The following TBXAS1 variants were observed in gnomAD, a reference collection of about 807,000 sequenced individuals.
TBXAS1 encodes thromboxane A synthase 1, also known as thromboxane-A synthase.
Under a neutral mutation model 60.7 loss-of-function variants are expected in TBXAS1, and 48 were observed. That is an observed-to-expected ratio of 0.79 (90% CI 0.63 to 1.01). The LOEUF (loss-of-function observed/expected upper bound fraction) is 1.01, where lower values mean the gene tolerates loss of function less well. Among genes scored for constraint, TBXAS1 ranks in the 50% least tolerant of loss-of-function variants. The pLI, the probability that TBXAS1 is intolerant of heterozygous loss-of-function variation, is 0.00. For synonymous variants in TBXAS1, 287 were observed against 269.7 expected, an observed-to-expected ratio of 1.06 and a Z score of -0.63; for missense variants, 685 against 686.3, an observed-to-expected ratio of 1.00 and a Z score of 0.02.
chr7:140,015,207 G>A (rs1459763091), intron 10 of TBXAS1, among the ~76,000 whole-genome samples: 4 of 152,150 alleles, frequency 2.6e-5, no homozygotes. Context: ...TCTTGGCATG[G>A]GGACCATCCA....
chr7:139,898,822 G>A (rs139182755), intron 3 of TBXAS1, among the ~76,000 whole-genome samples: 18 of 152,140 alleles, frequency 1.2e-4, no homozygotes, highest in African/African-American at 4.3e-4. Flanking sequence ...ACCTCATAAC[G>A]GTCTCTTTAA....
At chr7:140,002,121 A>G (rs567114159) in intron 9 of TBXAS1, among the ~76,000 whole-genome samples, 3 of 152,344 alleles carry the variant, frequency 2.0e-5, no homozygotes, top group Non-Finnish European at 1.5e-5. Flanking sequence ...TTCCTTGAAT[A>G]TGTAAATGAA....
At chr7:139,818,701 T>A (rs1427513762) in intron 4 of TBXAS1, among the ~76,000 whole-genome samples, 2 of 152,188 alleles carry the variant, frequency 1.3e-5, no homozygotes, top group African/African-American at 4.8e-5. Flanking sequence ...TATTTCTGAT[T>A]TACATTGTTC....
At chr7:139,927,044 G>A (rs1806939510) in intron 4 of TBXAS1, among the ~76,000 whole-genome samples, 1 of 151,850 alleles carries the variant, frequency 6.6e-6, no homozygotes, top group Admixed American at 6.6e-5. Context: ...ACCCAGACTG[G>A]AGTGCAGTGG....
In TBXAS1 at chr7:139,872,373, G is replaced by A. The variant is rs758157329; in HGVS notation, c.183+45G>A. 3 of 1,581,302 alleles carry A rather than the reference G, an allele frequency of 1.9e-6. No homozygotes were observed. The East Asian group carries it at 6.8e-5, about 36-fold the overall frequency. On this transcript the variant is annotated intron_variant, in intron 2 of 12. Coordinates refer to ENST00000448866, the MANE Select transcript of TBXAS1 (RefSeq NM_001061.7). ...GGCTTCCATCATAAAATATGCTGAG[G>A]GCCAGGCACAGTGGCTCATGGCTGT...
chr7:139,816,919 C>T (rs145409852), intron 4 of TBXAS1, among the ~76,000 whole-genome samples: 1 of 152,264 alleles, frequency 6.6e-6, no homozygotes, highest in East Asian at 1.9e-4. Flanking sequence ...CAGCCCTAGT[C>T]ACCTGTGAGC....
chr7:139,998,381 A>C (rs913865520), intron 9 of TBXAS1, among the ~76,000 whole-genome samples: 1 of 152,148 alleles, frequency 6.6e-6, no homozygotes, highest in Non-Finnish European at 1.5e-5. Flanking sequence ...CATAAAATGT[A>C]CAAGAGGAAA....
intron 2 of TBXAS1, among the ~76,000 whole-genome samples, chr7:139,873,481 G>C (rs112950196): frequency 3.3e-5 from 5 of 152,186 alleles, no homozygotes; most frequent in African/African-American, 1.2e-4. Context: ...AATAGAGATG[G>C]ATAATTGGGA....
In TBXAS1 at chr7:139,961,929, A is replaced by G; in HGVS notation, c.830A>G (p.Asp277Gly). Residue 277 changes from aspartate (D) to glycine (G), a missense_variant, in exon 9 of 13, where the codon GAC (aspartate) becomes GGC (glycine). Coordinates refer to ENST00000448866, the MANE Select transcript of TBXAS1 (RefSeq NM_001061.7). Reference protein sequence around the residue: ...DQQAAEERRRDFLQMVLDARH... With the variant: ...DQQAAEERRRGFLQMVLDARH... Reference sequence around the variant, plus strand: ...CCTTTTGTTCCTTAGAGGCGGAGAGACTTCCTCCAAATGGTCCTGGATGCC... The same window carrying G: ...CCTTTTGTTCCTTAGAGGCGGAGAGGCTTCCTCCAAATGGTCCTGGATGCC... 6.2e-7 allele frequency: 1 copy of G among 1,614,194 alleles called. No individual in the cohort carries two copies. The highest frequency in any genetic ancestry group is 8.5e-7 in the Non-Finnish European group (1 of 1,180,038).
At chr7:139,821,653 T>G (rs1416712014) in intron 4 of TBXAS1, among the ~76,000 whole-genome samples, 1 of 152,196 alleles carries the variant, frequency 6.6e-6, no homozygotes, top group African/African-American at 2.4e-5. Context: ...GCAGGAGATG[T>G]TTCCTCTTCC....
At chr7:140,002,220 G>C (rs569383607) in intron 9 of TBXAS1, among the ~76,000 whole-genome samples, 1 of 152,180 alleles carries the variant, frequency 6.6e-6, no homozygotes, top group Non-Finnish European at 1.5e-5. Context: ...TTTAGGAATC[G>C]GTTTCCTCAA....
At chr7:139,987,317 C>A (rs183052714) in intron 9 of TBXAS1, among the ~76,000 whole-genome samples, 2 of 152,262 alleles carry the variant, frequency 1.3e-5, no homozygotes, top group East Asian at 3.9e-4. Context: ...GCCCCAGGGT[C>A]CCGGGGAGAC....
chr7:139,910,090 T>C (rs1347010507), intron 3 of TBXAS1, among the ~76,000 whole-genome samples: 1 of 152,168 alleles, frequency 6.6e-6, no homozygotes, highest in East Asian at 1.9e-4. Flanking sequence ...TCTCCAAGCA[T>C]TGAGTTGAGT....
intron 11 of TBXAS1, 96 bp downstream of exon 11, chr7:140,015,956 CA>C: frequency 6.5e-7 from 1 of 1,540,510 alleles, no homozygotes; most frequent in Non-Finnish European, 8.9e-7. Flanking sequence ...ACAGACTTAG[CA>C]AAATTGTCCC....
intron 4 of TBXAS1, among the ~76,000 whole-genome samples, chr7:139,924,015 T>C (rs1806693541): frequency 6.6e-6 from 1 of 152,238 alleles, no homozygotes; most frequent in Non-Finnish European, 1.5e-5. Flanking sequence ...ATTGTATATA[T>C]GTACCACGTT....
intron 4 of TBXAS1, among the ~76,000 whole-genome samples, chr7:139,792,358 C>G (rs1439108563): frequency 6.6e-6 from 1 of 152,108 alleles, no homozygotes. Context: ...CAATATCCAC[C>G]CCTTCCAAGG....
chr7:139,866,534 G>A (rs190082452), intron 1 of TBXAS1, among the ~76,000 whole-genome samples: 252 of 150,790 alleles, frequency 1.7e-3, no homozygotes, highest in Non-Finnish European at 2.8e-3. Context: ...CAGGCAGATC[G>A]CTTGAGCCCA....
At chr7:139,957,028 T>C (rs1355810070) in intron 7 of TBXAS1, among the ~76,000 whole-genome samples, 2 of 151,974 alleles carry the variant, frequency 1.3e-5, no homozygotes, top group African/African-American at 2.4e-5. Context: ...CCAGGGGAGA[T>C]GAGGGGTTCC....
At chr7:139,989,737 G>A (rs575169681) in intron 9 of TBXAS1, among the ~76,000 whole-genome samples, 3 of 152,300 alleles carry the variant, frequency 2.0e-5, no homozygotes, top group South Asian at 2.1e-4. Flanking sequence ...GGCCCCATGC[G>A]GGCCCATCTC....
Sources: gnomAD v4.1 joint callset for allele counts (sites outside exome capture counted in the v4.1 genomes callset) on GRCh38, gnomAD v4.1.1 for gene constraint, MANE v1.5 for transcripts, NCBI Gene and HGNC (gene_info 2026-07-23, HGNC 2026-07-21) for gene names.